Variants in GSTCD observed in about 807,000 individuals in gnomAD.
The protein encoded by GSTCD is glutathione S-transferase C-terminal domain containing.
A neutral mutation model predicts 68.3 loss-of-function variants in GSTCD; 44 were observed. The ratio of observed to expected loss-of-function variants is 0.64; its 90% CI spans 0.51 to 0.83. The LOEUF (loss-of-function observed/expected upper bound fraction) is 0.83, where lower values mean the gene tolerates loss of function less well. GSTCD is among the 40% of genes least tolerant of loss of function. The pLI is 0.00. For missense variants in GSTCD, 739 were observed against 735.9 expected (o/e 1.00, Z -0.05); for synonymous variants, 273 against 255.2 (o/e 1.07, Z -0.67).
chr4:105,726,948 T>G, intron 4 of GSTCD, 118 bp downstream of exon 4: 1 of 787,006 alleles, frequency 1.3e-6, no homozygotes, highest in Non-Finnish European at 2.0e-6. Flanking sequence ...ATTTGTAGCT[T>G]TCTTCACTCT....
At chr4:105,722,048 C>T (rs949232402) in intron 3 of GSTCD, among the ~76,000 whole-genome samples, 1 of 152,090 alleles carries the variant, frequency 6.6e-6, no homozygotes, top group African/African-American at 2.4e-5. Context: ...ATATTTAAAA[C>T]ATTATTGTAC....
Position 105,761,330 on chromosome 4 carries a change from A to G in GSTCD, c.1240+31831A>G, listed in dbSNP as rs550209121. On this transcript the variant is annotated intron_variant, in intron 5 of 11. Coordinates refer to ENST00000515279, the MANE Select transcript of GSTCD (RefSeq NM_001370181.1). ...ATATGCTTTTAAATGTAATTTTCTA[A>G]AAACAGCTTTTGGAGAGAACAGAGG... 8 of 159,076 alleles carry G rather than the reference A, an allele frequency of 5.0e-5. No homozygotes were observed. In the Admixed American group the frequency reaches 5.1e-4, roughly 10 times the overall value. The allele number at this position is 159,076 out of a possible 1,614,324, so 9.9% of individuals were successfully genotyped here. A position where few individuals can be genotyped will look rare whatever the true frequency, so the allele number is the denominator to read the frequency against.
intron 5 of GSTCD, among the ~76,000 whole-genome samples, chr4:105,813,243 T>C (rs1203880734): frequency 6.6e-6 from 1 of 152,222 alleles, no homozygotes; most frequent in Admixed American, 6.5e-5. Flanking sequence ...AATCATTCAG[T>C]AGTGCTAATA....
At chr4:105,712,258 G>C (rs1311291540) in intron 1 of GSTCD, among the ~76,000 whole-genome samples, 1 of 152,178 alleles carries the variant, frequency 6.6e-6, no homozygotes, top group African/African-American at 2.4e-5. Context: ...GTCAGGAGAG[G>C]CTGTTCTGAG....
At chr4:105,764,275 ACT>A (rs1734524106) in intron 5 of GSTCD, among the ~76,000 whole-genome samples, 1 of 152,170 alleles carries the variant, frequency 6.6e-6, no homozygotes, top group Admixed American at 6.6e-5. Context: ...TATATATCCA[ACT>A]CAGATATACT....
Position 105,771,091 on chromosome 4 carries a change from G to A in GSTCD, c.1240+41592G>A, listed in dbSNP as rs1296385381. ...AACTGCCATGAGATGGTATCTCATT[G>A]TGGTTTTGATTTGAATTTCTCTAAC... On this transcript the variant is annotated intron_variant, in intron 5 of 11. Transcript: ENST00000515279. 2.0e-5 allele frequency among the ~76,000 whole-genome samples: 3 copies of A among 152,092 alleles called. No homozygotes were observed. The East Asian group carries it at 5.8e-4, about 29-fold the overall frequency.
At position 105,846,849 on chromosome 4, in the gene GSTCD, G is replaced by A. The variant is rs760509166; in HGVS notation, c.*1272G>A. 1.3e-5 allele frequency: 2 copies of A among 151,788 alleles called. No homozygotes were observed. Among genetic ancestry groups the A allele is most frequent in the Non-Finnish European group, 2.9e-5 (2 of 67,974 alleles). 9.4% of individuals were successfully genotyped at this position (151,788 alleles called of 1,614,324 possible). On this transcript the variant is annotated 3_prime_UTR_variant, in exon 12 of 12. Transcript: ENST00000515279. Reference sequence around the variant, plus strand: ...TTTGTTTGTAATTTTAGTAGAGATGGGGTTTCTCCATGTTGGCCAGGCTGG... The same window carrying A: ...TTTGTTTGTAATTTTAGTAGAGATGAGGTTTCTCCATGTTGGCCAGGCTGG...
chr4:105,780,016 A>G (rs1735216830), intron 5 of GSTCD, among the ~76,000 whole-genome samples: 1 of 152,222 alleles, frequency 6.6e-6, no homozygotes. Flanking sequence ...CCTGATTACA[A>G]ATCCTGCAGT....
chr4:105,811,883 G>A (rs1722767513), intron 5 of GSTCD, among the ~76,000 whole-genome samples: 1 of 152,136 alleles, frequency 6.6e-6, no homozygotes, highest in Non-Finnish European at 1.5e-5. Context: ...TTGGTTGGAG[G>A]ATGATGAGTG....
intron 7 of GSTCD, among the ~76,000 whole-genome samples, chr4:105,825,189 G>A (rs1341802477): frequency 2.0e-5 from 3 of 152,086 alleles, no homozygotes; most frequent in Non-Finnish European, 4.4e-5. Context: ...GAGTACAGTG[G>A]TGCGATCTCA....
At chr4:105,710,316 G>C (rs1732489807) in intron 1 of GSTCD, among the ~76,000 whole-genome samples, 1 of 137,268 alleles carries the variant, frequency 7.3e-6, no homozygotes, top group Non-Finnish European at 1.5e-5. Context: ...CGCCTCCCGG[G>C]CTCAAGCAAT....
chr4:105,719,117 C>G lies in GSTCD; in HGVS notation c.484C>G (p.Leu162Val). 1 of 1,614,072 alleles carries G rather than the reference C, an allele frequency of 6.2e-7. No individual in the cohort carries two copies. Among genetic ancestry groups the G allele is most frequent in the Non-Finnish European group, 8.5e-7 (1 of 1,179,982 alleles). The part of the protein sequence containing the change: ...LTIPLAIENF[L>V]RESSDQPPTI... ...CATCCCTTTGGCTATTGAGAATTTT[C>G]TCAGAGAATCTTCTGACCAGCCCCC... Residue 162 changes from leucine (L) to valine (V), a missense_variant, in exon 3 of 12, where the codon CTC becomes GTC. Leu to Val is a conservative substitution (Grantham distance 32). Coordinates refer to ENST00000515279, the MANE Select transcript of GSTCD (RefSeq NM_001370181.1).
chr4:105,740,717 T>A (rs1733605313), intron 5 of GSTCD, among the ~76,000 whole-genome samples: 1 of 152,156 alleles, frequency 6.6e-6, no homozygotes, highest in South Asian at 2.1e-4. Context: ...TCAGAGGGAA[T>A]ATAGCTTTTG....
intron 5 of GSTCD, among the ~76,000 whole-genome samples, chr4:105,806,614 CTTT>C (rs1181088287): frequency 6.6e-6 from 1 of 151,998 alleles, no homozygotes; most frequent in Non-Finnish European, 1.5e-5. Context: ...TTATGTAGAA[CTTT>C]GTTTAAGGAA....
At chr4:105,764,883 C>T (rs1734546878) in intron 5 of GSTCD, among the ~76,000 whole-genome samples, 1 of 152,116 alleles carries the variant, frequency 6.6e-6, no homozygotes, top group Non-Finnish European at 1.5e-5. Flanking sequence ...CAAATAAAGA[C>T]ATTTTTCTTT....
chr4:105,757,773 C>G (rs1427567019), intron 5 of GSTCD, among the ~76,000 whole-genome samples: 1 of 152,000 alleles, frequency 6.6e-6, no homozygotes, highest in Non-Finnish European at 1.5e-5. Context: ...GAGATATATT[C>G]CCTTGATTCT....
intron 7 of GSTCD, among the ~76,000 whole-genome samples, chr4:105,825,157 TC>T (rs1723532747): frequency 1.3e-5 from 2 of 151,846 alleles, no homozygotes; most frequent in South Asian, 4.2e-4. Flanking sequence ...TGAGACAGAT[TC>T]TCCCTGCGAT....
At chr4:105,785,313 C>G (rs1003796606) in intron 5 of GSTCD, among the ~76,000 whole-genome samples, 3 of 151,880 alleles carry the variant, frequency 2.0e-5, no homozygotes, top group Non-Finnish European at 4.4e-5. Context: ...TGTGAAAACT[C>G]TCAGCAAAGT....
chr4:105,735,443 C>A (rs532978453), intron 5 of GSTCD, among the ~76,000 whole-genome samples: 2 of 152,328 alleles, frequency 1.3e-5, no homozygotes, highest in Admixed American at 1.3e-4. Context: ...TAGCAATGAG[C>A]AAGGCTCCGT....
Sources: allele counts gnomAD v4.1 joint callset (sites outside exome capture counted in the v4.1 genomes callset), GRCh38; gene constraint gnomAD v4.1.1; transcripts MANE v1.5; gene names NCBI Gene and HGNC (gene_info 2026-07-23, HGNC 2026-07-21).